The following LAMA2 variants were observed in gnomAD, a reference collection of about 807,000 sequenced individuals.
LAMA2 encodes laminin subunit alpha-2.
A neutral mutation model predicts 364.8 loss-of-function variants in LAMA2; 269 were observed. That is an observed-to-expected ratio of 0.74 (90% CI 0.67 to 0.82). LAMA2 has a LOEUF of 0.82. Among genes scored for constraint, LAMA2 ranks in the 40% least tolerant of loss-of-function variants. LAMA2 has a pLI of 0.00. For synonymous variants in LAMA2, 1,379 were observed against 1,370.6 expected, an observed-to-expected ratio of 1.01 and a Z score of -0.14; for missense variants, 3,807 against 3,873.2, an observed-to-expected ratio of 0.98 and a Z score of 0.45.
intron 10 of LAMA2, among the ~76,000 whole-genome samples, chr6:129,181,061 C>A (rs888134671): frequency 2.0e-5 from 3 of 152,070 alleles, no homozygotes; most frequent in African/African-American, 4.8e-5. Context: ...CTCTTAGGGG[C>A]TCTGGGTGGG....
At chr6:128,970,405 C>A (rs781611121) in intron 1 of LAMA2, among the ~76,000 whole-genome samples, 6 of 152,070 alleles carry the variant, frequency 3.9e-5, no homozygotes, top group Non-Finnish European at 7.4e-5. Flanking sequence ...GTTATATGAC[C>A]TACGAATGTT....
intron 12 of LAMA2, among the ~76,000 whole-genome samples, chr6:129,239,554 T>G (rs192323767): frequency 6.6e-5 from 10 of 152,270 alleles, no homozygotes; most frequent in Admixed American, 5.9e-4. Context: ...TCAGATCTAG[T>G]CCAATGTCTC....
At chr6:129,042,118 G>A (rs967784953) in intron 1 of LAMA2, among the ~76,000 whole-genome samples, 29 of 151,832 alleles carry the variant, frequency 1.9e-4, no homozygotes, top group African/African-American at 6.5e-4. Context: ...CAGCCTGGCT[G>A]ATATGGCAAA....
intron 40 of LAMA2, among the ~76,000 whole-genome samples, chr6:129,419,357 T>G (rs948811641): frequency 4.6e-5 from 7 of 152,160 alleles, no homozygotes; most frequent in Non-Finnish European, 1.0e-4. Flanking sequence ...AGATTGATGT[T>G]GTTTTTGATT....
At chr6:129,180,861 T>C (rs879568102) in intron 10 of LAMA2, among the ~76,000 whole-genome samples, 1 of 152,072 alleles carries the variant, frequency 6.6e-6, no homozygotes, top group African/African-American at 2.4e-5. Context: ...AGACAAGTCT[T>C]AGTTCTAAGA....
At position 129,133,992 on chromosome 6, in the gene LAMA2, A is replaced by G. The variant is rs368350551; in HGVS notation, c.640-9909A>G. On this transcript the variant is annotated intron_variant, in intron 4 of 64. Transcript: ENST00000421865. ...CCTGTCTAGGTTTTGTTCCAATCTAATGACACAGGATCTGGCACTGTATTT... is the reference window on the plus strand; with the variant it reads ...CCTGTCTAGGTTTTGTTCCAATCTAGTGACACAGGATCTGGCACTGTATTT... Among the ~76,000 whole-genome samples, 923 of 152,292 alleles carry G rather than the reference A, an allele frequency of 6.1e-3. 8 individuals carry two copies. Among genetic ancestry groups the G allele is most frequent in the African/African-American group, 0.021 (884 of 41,550 alleles).
chr6:128,941,913 G>A (rs913168098), intron 1 of LAMA2, among the ~76,000 whole-genome samples: 10 of 152,018 alleles, frequency 6.6e-5, no homozygotes, highest in African/African-American at 2.4e-4. Context: ...AGATGCAGGG[G>A]GACAATGTTG....
intron 3 of LAMA2, among the ~76,000 whole-genome samples, chr6:129,077,718 A>T (rs995248973): frequency 3.3e-5 from 5 of 152,326 alleles, no homozygotes; most frequent in East Asian, 1.9e-4. Flanking sequence ...CAAATTCTTC[A>T]CTGAAATAGC....
chr6:129,191,194 G>A (rs568192450), intron 11 of LAMA2, among the ~76,000 whole-genome samples: 44 of 152,144 alleles, frequency 2.9e-4, no homozygotes, highest in Non-Finnish European at 5.7e-4. Context: ...TTAAGCTAAA[G>A]ACTGACATTA....
chr6:129,229,949 A>C (rs1784577739), intron 12 of LAMA2, among the ~76,000 whole-genome samples: 1 of 152,192 alleles, frequency 6.6e-6, no homozygotes. Flanking sequence ...TGTTAAAGTG[A>C]TAGCTAGTAT....
chr6:129,297,677 A>G lies in LAMA2; in HGVS notation c.2857-8A>G. On this transcript the variant is annotated splice_region_variant and splice_polypyrimidine_tract_variant and intron_variant, in intron 20 of 64. Coordinates refer to ENST00000421865, the MANE Select transcript of LAMA2 (RefSeq NM_000426.4). ...AAATTTAATTTTTCTCTCCTCTTCC[A>G]TTGCCAGGCTGGGACCTTTGGCCTA... 1 of 1,613,280 alleles carries G rather than the reference A, an allele frequency of 6.2e-7. No individual in the cohort carries two copies. The highest frequency in any genetic ancestry group is 1.1e-5 in the South Asian group (1 of 91,050).
At chr6:129,428,616 T>C (rs1781440647) in intron 41 of LAMA2, among the ~76,000 whole-genome samples, 1 of 152,126 alleles carries the variant, frequency 6.6e-6, no homozygotes, top group Non-Finnish European at 1.5e-5. Flanking sequence ...GGCTAATCTT[T>C]GCATTTTGAG....
At chr6:128,908,832 T>C (rs1426731296) in intron 1 of LAMA2, among the ~76,000 whole-genome samples, 2 of 149,656 alleles carry the variant, frequency 1.3e-5, no homozygotes, top group Non-Finnish European at 2.9e-5. Context: ...TCTGGTATGT[T>C]GTGTCTTTGT....
intron 10 of LAMA2, among the ~76,000 whole-genome samples, chr6:129,186,014 T>C (rs1377559668): frequency 2.0e-5 from 3 of 151,630 alleles, no homozygotes; most frequent in Admixed American, 6.6e-5. Flanking sequence ...AATACGCAAA[T>C]TGAAAAGAAT....
intron 30 of LAMA2, 76 bp downstream of exon 30, chr6:129,342,543 G>A: frequency 1.4e-6 from 2 of 1,457,926 alleles, no homozygotes; most frequent in Non-Finnish European, 9.3e-7. Context: ...CTATGATTTG[G>A]CTATTTTTTC....
At chr6:129,398,558 C>T (rs1779791262) in intron 37 of LAMA2, among the ~76,000 whole-genome samples, 1 of 149,086 alleles carries the variant, frequency 6.7e-6, no homozygotes, top group Non-Finnish European at 1.5e-5. Context: ...TCACTTTAAC[C>T]TCCACCTCTC....
At chr6:129,157,212 A>T (rs1435482313) in intron 8 of LAMA2, among the ~76,000 whole-genome samples, 1 of 152,176 alleles carries the variant, frequency 6.6e-6, no homozygotes, top group African/African-American at 2.4e-5. Context: ...GCAATTCAGT[A>T]CCCAGAGCTT....
chr6:129,409,332 C>T (rs1405517391), intron 40 of LAMA2, among the ~76,000 whole-genome samples: 1 of 152,192 alleles, frequency 6.6e-6, no homozygotes, highest in African/African-American at 2.4e-5. Flanking sequence ...GCCATCAGTG[C>T]AGGCTTGGGG....
In LAMA2 at chr6:129,265,772, G is replaced by A. The variant is rs1334016662; in HGVS notation, c.2209-1334G>A. ...GGAGAAATATCTAATGTAGATGATG[G>A]GTTGATGGGTTCAGGAAACCACCAT... On this transcript the variant is annotated intron_variant, in intron 15 of 64. Coordinates refer to ENST00000421865, the MANE Select transcript of LAMA2 (RefSeq NM_000426.4). Among the ~76,000 whole-genome samples, 4 of 151,856 alleles carry A rather than the reference G, an allele frequency of 2.6e-5. No individual in the cohort carries two copies. The South Asian group carries it at 6.2e-4, about 24-fold the overall frequency.
Sources: allele counts gnomAD v4.1 joint callset (sites outside exome capture counted in the v4.1 genomes callset), GRCh38; gene constraint gnomAD v4.1.1; transcripts MANE v1.5; gene names NCBI Gene and HGNC (gene_info 2026-07-23, HGNC 2026-07-21).